CLDN22: variants seen among roughly 807,000 people sequenced by gnomAD.
CLDN22 encodes the protein claudin-22.
For synonymous variants in CLDN22, 86 were observed against 107.9 expected (o/e 0.80, Z 1.26); for missense variants, 227 against 252.2 (o/e 0.90, Z 0.68).
chr4:183,319,912 C>T lies in CLDN22; in HGVS notation c.307G>A (p.Asp103Asn). 2 of 1,613,882 alleles carry T rather than the reference C, an allele frequency of 1.2e-6. No homozygotes were observed. The highest frequency in any genetic ancestry group is 8.5e-7 in the Non-Finnish European group (1 of 1,179,842). Residue 103 changes from aspartate (D) to asparagine (N), a missense_variant, in exon 1 of 1, where the codon GAC becomes AAC. By Grantham distance (23) the Asp-to-Asn change is conservative. Coordinates refer to ENST00000323319, the MANE Select transcript of CLDN22 (RefSeq NM_001111319.3). ...TGACTCTCTCCAATTCTCAAACAGT[C>T]CAGGCCAAACCCAGAGACCAGCAGG... Reference protein sequence around the residue: ...LGLLVSGFGLDCLRIGESQRD... With the variant: ...LGLLVSGFGLNCLRIGESQRD...
rs1739572752 is a variant in CLDN22 at position 183,319,754 on chromosome 4, G to A, written c.465C>T (p.Asp155=). Residue 155 remains aspartate (D), a synonymous_variant, in exon 1 of 1, where the codon GAC becomes GAT. Coordinates refer to ENST00000323319, the MANE Select transcript of CLDN22 (RefSeq NM_001111319.3). ...CCCCAAACTCCCACCTGGGGACAAA[G>A]TCTGGGACGTTCTCATCCCAGAACT... ...VQEFWDENVP[D]FVPRWEFGEA... 2 of 1,613,838 alleles carry A rather than the reference G, an allele frequency of 1.2e-6. No homozygotes were observed. The highest frequency in any genetic ancestry group is 1.3e-5 in the African/African-American group (1 of 74,902).
chr4:183,319,269 A>C lies in CLDN22; in HGVS notation c.*287T>G. The C allele has an allele frequency of 3.2e-6, 1 of 313,978 alleles. No individual in the cohort carries two copies. Among genetic ancestry groups the C allele is most frequent in the East Asian group, 5.9e-5 (1 of 17,020 alleles). The allele number at this position is 313,978 out of a possible 1,614,324, so 19.4% of individuals were successfully genotyped here. On this transcript the variant is annotated 3_prime_UTR_variant, in exon 1 of 1. Coordinates refer to ENST00000323319, the MANE Select transcript of CLDN22 (RefSeq NM_001111319.3). Reference sequence around the variant, plus strand: ...ATGAATAATACCTTCAAAGATACATAGAGATTAATGTTTTATTTACCACTT... The same window carrying C: ...ATGAATAATACCTTCAAAGATACATCGAGATTAATGTTTTATTTACCACTT...
rs1339852479 is a variant in CLDN22 at position 183,318,407 on chromosome 4, G to A, written c.*1149C>T. ...GTTTCTGTTTTAATTTGTCTTGTTT[G>A]TAAACGTATGCAAATACATCACATA... is the stretch of plus-strand genomic sequence containing the variant. On this transcript the variant is annotated 3_prime_UTR_variant, in exon 1 of 1. Coordinates refer to ENST00000323319, the MANE Select transcript of CLDN22 (RefSeq NM_001111319.3). 2 of 152,212 alleles carry A rather than the reference G, an allele frequency of 1.3e-5. No homozygotes were observed. Among genetic ancestry groups the A allele is most frequent in the Non-Finnish European group, 2.9e-5 (2 of 67,978 alleles). The allele number at this position is 152,212 out of a possible 1,614,324, so 9.4% of individuals were successfully genotyped here. A position where few individuals can be genotyped will look rare whatever the true frequency, so the allele number is the denominator to read the frequency against.
Position 183,319,675 on chromosome 4 carries a change from G to A in CLDN22, c.544C>T (p.Leu182=), listed in dbSNP as rs1385108241. 3.7e-6 allele frequency: 6 copies of A among 1,614,096 alleles called. No individual in the cohort carries two copies. Among genetic ancestry groups the A allele is most frequent in the Non-Finnish European group, 5.1e-6 (6 of 1,180,004 alleles). ...AGLSLLLGGC[L]LHCAACSSHA... ...CTGGAGCAGGCTGCACAGTGGAGCA[G>A]ACACCCTCCTAGCAGAAGAGAAAGT... Residue 182 remains leucine, a synonymous_variant, in exon 1 of 1, where the codon CTG becomes TTG. Coordinates refer to ENST00000323319, the MANE Select transcript of CLDN22 (RefSeq NM_001111319.3).
At position 183,319,810 on chromosome 4, in the gene CLDN22, C is replaced by G; in HGVS notation, c.409G>C (p.Val137Leu). 6.2e-7 allele frequency: 1 copy of G among 1,613,990 alleles called. No individual in the cohort carries two copies. The highest frequency in any genetic ancestry group is 8.5e-7 in the Non-Finnish European group (1 of 1,179,914). Residue 137 changes from valine to leucine, a missense_variant, in exon 1 of 1, where the codon GTC becomes CTC. Coordinates refer to ENST00000323319, the MANE Select transcript of CLDN22 (RefSeq NM_001111319.3). ...WASGVTALVP[V>L]SWVAHKTVQE... ...ACCGTCTTGTGGGCAACCCAAGAGA[C>G]GGGAACCAGGGCTGTGACTCCCGAG... is the stretch of plus-strand genomic sequence containing the variant.
chr4:183,318,274 T>C lies in CLDN22; in HGVS notation c.*1282A>G, dbSNP rs1739505820. 6.6e-6 allele frequency: 1 copy of C among 152,662 alleles called. No homozygotes were observed. Among genetic ancestry groups the C allele is most frequent in the Non-Finnish European group, 1.5e-5 (1 of 68,032 alleles). The allele number at this position is 152,662 out of a possible 1,614,324, so 9.5% of individuals were successfully genotyped here. On this transcript the variant is annotated 3_prime_UTR_variant, in exon 1 of 1. Transcript: ENST00000323319. The stretch of plus-strand genomic sequence containing the variant: ...AAAGTTTAGCTAAATCTCTGTAGCA[T>C]GCAAATCAAATAAATTAAAATTTTT...
At position 183,319,947 on chromosome 4, in the gene CLDN22, C is replaced by T. The variant is rs1739583290; in HGVS notation, c.272G>A (p.Gly91Glu). Residue 91 changes from glycine to glutamate, a missense_variant, in exon 1 of 1, where the codon GGA becomes GAA. Coordinates refer to ENST00000323319, the MANE Select transcript of CLDN22 (RefSeq NM_001111319.3). ...CCCAGAGACCAGCAGGCCCAGAAATCCCAGCCCATTTGACAGAAACATTAA... is the reference window on the plus strand; with the variant it reads ...CCCAGAGACCAGCAGGCCCAGAAATTCCAGCCCATTTGACAGAAACATTAA... ...RILMFLSNGL[G>E]FLGLLVSGFG... The T allele has an allele frequency of 6.2e-7, 1 of 1,613,356 alleles. No homozygotes were observed. The highest frequency in any genetic ancestry group is 1.3e-5 in the African/African-American group (1 of 74,826).
Position 183,319,832 on chromosome 4 carries a change from C to T in CLDN22, c.387G>A (p.Ser129=), listed in dbSNP as rs754433732. The T allele has an allele frequency of 1.1e-5, 18 of 1,613,850 alleles. No homozygotes were observed. In the African/African-American group the frequency reaches 1.5e-4, roughly 13 times the overall value. ...LILGGILSWA[S]GVTALVPVSW... ...AGACGGGAACCAGGGCTGTGACTCC[C>T]GAGGCCCAGGACAGAATTCCTCCCA... The change falls in exon 1 of 1, where the codon TCG becomes TCA. Residue 129 remains serine (S), a synonymous_variant. Coordinates refer to ENST00000323319, the MANE Select transcript of CLDN22 (RefSeq NM_001111319.3).
At position 183,318,328 on chromosome 4, in the gene CLDN22, A is replaced by G. The variant is rs901533146; in HGVS notation, c.*1228T>C. 2 of 152,640 alleles carry G rather than the reference A, an allele frequency of 1.3e-5. No individual in the cohort carries two copies. The highest frequency in any genetic ancestry group is 4.8e-5 in the African/African-American group (2 of 41,458). 9.5% of individuals were successfully genotyped at this position (152,640 alleles called of 1,614,324 possible). Reference sequence around the variant, plus strand: ...TATTGCTTTATCTATATTGTCTTAAATATCAAAAGCTCAGGACTGAACTTA... The same window carrying G: ...TATTGCTTTATCTATATTGTCTTAAGTATCAAAAGCTCAGGACTGAACTTA... On this transcript the variant is annotated 3_prime_UTR_variant, in exon 1 of 1. Transcript: ENST00000323319.
Position 183,319,305 on chromosome 4 carries a change from G to A in CLDN22, c.*251C>T, listed in dbSNP as rs950569781. On this transcript the variant is annotated 3_prime_UTR_variant, in exon 1 of 1. Coordinates refer to ENST00000323319, the MANE Select transcript of CLDN22 (RefSeq NM_001111319.3). Reference sequence around the variant, plus strand: ...TTTTATTTACCACTTCTGTGCAATCGCTATTTTAAAATTGAGAAAACTCAT... The same window carrying A: ...TTTTATTTACCACTTCTGTGCAATCACTATTTTAAAATTGAGAAAACTCAT... 10 of 414,814 alleles carry A rather than the reference G, an allele frequency of 2.4e-5. No individual in the cohort carries two copies. The highest frequency in any genetic ancestry group is 3.8e-5 in the Non-Finnish European group (9 of 235,452). The allele number at this position is 414,814 out of a possible 1,614,324, so 25.7% of individuals were successfully genotyped here.
In CLDN22 at chr4:183,319,886, C is replaced by G. The variant is rs776280384; in HGVS notation, c.333G>C (p.Gln111His). The G allele has an allele frequency of 6.2e-7, 1 of 1,613,840 alleles. No individual in the cohort carries two copies. Among genetic ancestry groups the G allele is most frequent in the East Asian group, 2.2e-5 (1 of 44,888 alleles). Residue 111 changes from glutamine (Q) to histidine (H), a missense_variant, in exon 1 of 1, where the codon CAG (glutamine) becomes CAC (histidine). Transcript: ENST00000323319. ...GLDCLRIGES[Q>H]RDLKRRLLIL... is the part of the protein sequence containing the mutation. ...TCAGCAGTCGCCTCTTGAGATCTCT[C>G]TGACTCTCTCCAATTCTCAAACAGT...
At position 183,318,354 on chromosome 4, in the gene CLDN22, ATATT is replaced by A. The variant is rs1392724863; in HGVS notation, c.*1198_*1201del. The A allele has an allele frequency of 1.3e-5, 2 of 152,692 alleles. No individual in the cohort carries two copies. The highest frequency in any genetic ancestry group is 2.9e-5 in the Non-Finnish European group (2 of 68,034). The allele number at this position is 152,692 out of a possible 1,614,324, so 9.5% of individuals were successfully genotyped here. ...TATCAAAAGCTCAGGACTGAACTTA[ATATT>A]TAATCAGGTTAAATTCTGAACATGT... On this transcript the variant is annotated 3_prime_UTR_variant, in exon 1 of 1. Transcript: ENST00000323319.
Position 183,319,844 on chromosome 4 carries a change from C to T in CLDN22, c.375G>A (p.Leu125=), listed in dbSNP as rs1367221246. The T allele has an allele frequency of 1.9e-6, 3 of 1,613,866 alleles. No homozygotes were observed. Among genetic ancestry groups the T allele is most frequent in the African/African-American group, 2.7e-5 (2 of 74,918 alleles). Residue 125 remains leucine, a synonymous_variant, in exon 1 of 1, where the codon CTG becomes CTA. Coordinates refer to ENST00000323319, the MANE Select transcript of CLDN22 (RefSeq NM_001111319.3). ...GGGCTGTGACTCCCGAGGCCCAGGA[C>T]AGAATTCCTCCCAGGATCAGCAGTC... is the stretch of plus-strand genomic sequence containing the variant. ...KRRLLILGGI[L]SWASGVTALV...
Position 183,319,474 on chromosome 4 carries a change from T to G in CLDN22, c.*82A>C. ...GCATTTTCAAAAATCAAAAGCACAG[T>G]GAGATGACTAGAGCGGGACATCCTA... On this transcript the variant is annotated 3_prime_UTR_variant, in exon 1 of 1. Coordinates refer to ENST00000323319, the MANE Select transcript of CLDN22 (RefSeq NM_001111319.3). 29 of 1,355,358 alleles carry G rather than the reference T, an allele frequency of 2.1e-5. No homozygotes were observed. The highest frequency in any genetic ancestry group is 2.6e-5 in the Non-Finnish European group (26 of 989,752). The allele number at this position is 1,355,358 out of a possible 1,614,324, so 84.0% of individuals were successfully genotyped here.
chr4:183,319,708 A>G lies in CLDN22; in HGVS notation c.511T>C (p.Phe171Leu). Reference sequence around the variant, plus strand: ...CCTAGCAGAAGAGAAAGTCCAGCAAACCAGCCCAGAAACAGGGCCTCCCCA... The same window carrying G: ...CCTAGCAGAAGAGAAAGTCCAGCAAGCCAGCCCAGAAACAGGGCCTCCCCA... ...EFGEALFLGWFAGLSLLLGGC... is the reference protein window; with the variant it reads ...EFGEALFLGWLAGLSLLLGGC... The change falls in exon 1 of 1, where the codon TTT becomes CTT. Residue 171 changes from phenylalanine (F) to leucine (L), a missense_variant. By Grantham distance (22) the Phe-to-Leu change is conservative (BLOSUM62 0). Coordinates refer to ENST00000323319, the MANE Select transcript of CLDN22 (RefSeq NM_001111319.3). The G allele has an allele frequency of 6.2e-7, 1 of 1,614,106 alleles. No homozygotes were observed. The highest frequency in any genetic ancestry group is 1.7e-4 in the Middle Eastern group (1 of 6,060).
chr4:183,319,606 G>C lies in CLDN22; in HGVS notation c.613C>G (p.Gln205Glu). 6.2e-7 allele frequency: 1 copy of C among 1,613,860 alleles called. No homozygotes were observed. Among genetic ancestry groups the C allele is most frequent in the South Asian group, 1.1e-5 (1 of 91,034 alleles). Reference protein sequence around the residue: ...ASGHYAVAQTQDHHQELETRN... With the variant: ...ASGHYAVAQTEDHHQELETRN... ...GTCTCCAGTTCTTGATGATGATCTT[G>C]TGTTTGTGCCACTGCGTAGTGGCCC... Residue 205 changes from glutamine (Q) to glutamate (E), a missense_variant, in exon 1 of 1, where the codon CAA becomes GAA. Physicochemically the swap from Gln to Glu is conservative, Grantham distance 29. Coordinates refer to ENST00000323319, the MANE Select transcript of CLDN22 (RefSeq NM_001111319.3).
At position 183,319,896 on chromosome 4, in the gene CLDN22, C is replaced by T. The variant is rs769584109; in HGVS notation, c.323G>A (p.Gly108Glu). ...SGFGLDCLRI[G>E]ESQRDLKRRL... ...CCTCTTGAGATCTCTCTGACTCTCTCCAATTCTCAAACAGTCCAGGCCAAA... is the reference window on the plus strand; with the variant it reads ...CCTCTTGAGATCTCTCTGACTCTCTTCAATTCTCAAACAGTCCAGGCCAAA... The change falls in exon 1 of 1, where the codon GGA (glycine) becomes GAA (glutamate). Residue 108 changes from glycine to glutamate, a missense_variant. By Grantham distance (98) the Gly-to-Glu change is moderately conservative. Transcript: ENST00000323319. 6.2e-7 allele frequency: 1 copy of T among 1,613,938 alleles called. No individual in the cohort carries two copies. The highest frequency in any genetic ancestry group is 8.5e-7 in the Non-Finnish European group (1 of 1,179,862).
At position 183,319,679 on chromosome 4, in the gene CLDN22, C is replaced by T; in HGVS notation, c.540G>A (p.Gly180=). Residue 180 remains glycine, a synonymous_variant, in exon 1 of 1, where the codon GGG becomes GGA. Transcript: ENST00000323319. ...WFAGLSLLLG[G]CLLHCAACSS... ...AGCAGGCTGCACAGTGGAGCAGACA[C>T]CCTCCTAGCAGAAGAGAAAGTCCAG... The T allele has an allele frequency of 6.2e-7, 1 of 1,614,064 alleles. No individual in the cohort carries two copies. The highest frequency in any genetic ancestry group is 1.1e-5 in the South Asian group (1 of 91,080).
Position 183,319,862 on chromosome 4 carries a change from C to G in CLDN22, c.357G>C (p.Leu119=), listed in dbSNP as rs746597510. 118 of 1,613,650 alleles carry G rather than the reference C, an allele frequency of 7.3e-5. 3 individuals carry two copies. Among genetic ancestry groups the G allele is most frequent in the African/African-American group, 3.2e-4 (24 of 74,988 alleles). ...CCCAGGACAGAATTCCTCCCAGGAT[C>G]AGCAGTCGCCTCTTGAGATCTCTCT... ...ESQRDLKRRL[L]ILGGILSWAS... The change falls in exon 1 of 1, where the codon CTG becomes CTC. Residue 119 remains leucine (L), a synonymous_variant. Coordinates refer to ENST00000323319, the MANE Select transcript of CLDN22 (RefSeq NM_001111319.3).
Sources: allele counts gnomAD v4.1 joint callset, GRCh38; gene constraint gnomAD v4.1.1; transcripts MANE v1.5; gene names NCBI Gene and HGNC (gene_info 2026-07-23, HGNC 2026-07-21).